Variants in GLIS1 observed in about 807,000 individuals in gnomAD.
GLIS1 encodes the protein zinc finger protein GLIS1.
GLIS1 carries 24 observed loss-of-function variants against 63.8 expected under a neutral mutation model. That is an observed-to-expected ratio of 0.38 (90% CI 0.27 to 0.53). The LOEUF is 0.53. GLIS1 is among the 20% of genes least tolerant of loss of function. The pLI is 0.85. For missense variants in GLIS1, 1,036 were observed against 1,074.1 expected, an observed-to-expected ratio of 0.96 and a Z score of 0.50; for synonymous variants, 450 against 482.5, an observed-to-expected ratio of 0.93 and a Z score of 0.88.
intron 2 of GLIS1, among the ~76,000 whole-genome samples, chr1:53,683,168 T>C (rs1488171548): frequency 7.0e-6 from 1 of 143,436 alleles, no homozygotes; most frequent in Non-Finnish European, 1.5e-5. Context: ...GTCCCACTTC[T>C]GGCAGACACA....
rs903547236 is a variant in GLIS1, at chr1:53,534,216, C to A, written c.1321-4264G>T. ...CATGGGGCTTGTGAGACCAGAAATG[C>A]AGCCATCTAGCACGTCCCTGGCTTC... is the stretch of plus-strand genomic sequence containing the variant. On this transcript the variant is annotated intron_variant, in intron 4 of 10. Transcript: ENST00000628545. Among the ~76,000 whole-genome samples, 21 of 151,956 alleles carry A rather than the reference C, an allele frequency of 1.4e-4. 1 individual carries two copies. The highest frequency in any genetic ancestry group is 5.1e-4 in the African/African-American group (21 of 41,272).
chr1:53,658,565 T>C (rs2100352558), intron 2 of GLIS1, among the ~76,000 whole-genome samples: 1 of 152,310 alleles, frequency 6.6e-6, no homozygotes, highest in East Asian at 1.9e-4. Flanking sequence ...GAAAGGCTAC[T>C]GGGGCCTGGA....
At position 53,612,531 on chromosome 1, in the gene GLIS1, C is replaced by T. The variant is rs147392578; in HGVS notation, c.260-12253G>A. Among the ~76,000 whole-genome samples, 1,315 of 152,228 alleles carry T rather than the reference C, an allele frequency of 8.6e-3. 8 individuals carry two copies. Among genetic ancestry groups the T allele is most frequent in the Middle Eastern group, 0.014 (4 of 294 alleles). On this transcript the variant is annotated intron_variant, in intron 2 of 10. Coordinates refer to ENST00000628545, the MANE Select transcript of GLIS1 (RefSeq NM_001367484.1). ...CTGGGACTACAGGTGTGAGCCACCG[C>T]GCCTGGCCTGTTAGGCTTACTTTTT...
chr1:53,532,917 T>C (rs944676412), intron 4 of GLIS1, among the ~76,000 whole-genome samples: 1 of 152,254 alleles, frequency 6.6e-6, no homozygotes, highest in African/African-American at 2.4e-5. Context: ...TCTCTGACCA[T>C]CTAATTCATA....
chr1:53,637,873 G>A (rs528193389), intron 2 of GLIS1, among the ~76,000 whole-genome samples: 2 of 152,322 alleles, frequency 1.3e-5, no homozygotes, highest in African/African-American at 2.4e-5. Context: ...GGAGAGAAGC[G>A]TGTTCCTGGA....
chr1:53,660,841 T>C (rs772193670), intron 2 of GLIS1, among the ~76,000 whole-genome samples: 6 of 151,784 alleles, frequency 4.0e-5, no homozygotes, highest in Non-Finnish European at 7.4e-5. Context: ...GAGCAGGGAG[T>C]CACTGCAAAT....
At chr1:53,634,893 C>T (rs1645706711) in intron 2 of GLIS1, among the ~76,000 whole-genome samples, 1 of 151,918 alleles carries the variant, frequency 6.6e-6, no homozygotes, top group Admixed American at 6.6e-5. Flanking sequence ...GCATTGGCTC[C>T]CCACCGCCTT....
At chr1:53,640,368 TA>T (rs34586485) in intron 2 of GLIS1, among the ~76,000 whole-genome samples, 14,801 of 152,192 alleles carry the variant, frequency 0.097, 922 homozygotes, top group South Asian at 0.24. Flanking sequence ...GGGAGGAATA[TA>T]AAAAGGCTGG....
intron 2 of GLIS1, among the ~76,000 whole-genome samples, chr1:53,608,457 C>T (rs1645393970): frequency 6.6e-6 from 1 of 152,182 alleles, no homozygotes; most frequent in Non-Finnish European, 1.5e-5. Flanking sequence ...CCCTCCTTTT[C>T]CCTCCCTAGT....
chr1:53,569,212 A>G (rs1354699056), intron 4 of GLIS1, among the ~76,000 whole-genome samples: 1 of 152,222 alleles, frequency 6.6e-6, no homozygotes, highest in Non-Finnish European at 1.5e-5. Flanking sequence ...GTGTGGTCCT[A>G]TAATGGTAGA....
chr1:53,737,097 GAGA>G (rs1646919848), intron 2 of GLIS1, among the ~76,000 whole-genome samples: 1 of 152,214 alleles, frequency 6.6e-6, no homozygotes, highest in African/African-American at 2.4e-5. Context: ...TAACTGTGAT[GAGA>G]AGAGCATGTT....
At chr1:53,573,081 T>C (rs1196722933) in intron 4 of GLIS1, among the ~76,000 whole-genome samples, 3 of 152,198 alleles carry the variant, frequency 2.0e-5, no homozygotes, top group South Asian at 2.1e-4. Flanking sequence ...GTCCATCTTC[T>C]TGAGGGCTGG....
At chr1:53,622,183 T>C (rs933086167) in intron 2 of GLIS1, among the ~76,000 whole-genome samples, 1 of 151,694 alleles carries the variant, frequency 6.6e-6, no homozygotes, top group African/African-American at 2.4e-5. Flanking sequence ...ATCCCAGCAC[T>C]TTGGGAGGCC....
At chr1:53,524,922 G>T in intron 5 of GLIS1, 35 bp from the exon 6 acceptor site, 1 of 1,496,588 alleles carries the variant, frequency 6.7e-7, no homozygotes, top group Middle Eastern at 1.7e-4. Context: ...GGTGAGTGAG[G>T]CCCATCCCTA....
At chr1:53,580,483 C>T (rs1378370927) in intron 4 of GLIS1, among the ~76,000 whole-genome samples, 3 of 152,160 alleles carry the variant, frequency 2.0e-5, no homozygotes, top group Admixed American at 6.5e-5. Context: ...CCAAATTACA[C>T]GTGACTGCTT....
chr1:53,571,738 G>A (rs1411148761), intron 4 of GLIS1, among the ~76,000 whole-genome samples: 3 of 152,040 alleles, frequency 2.0e-5, no homozygotes, highest in South Asian at 2.1e-4. Flanking sequence ...CACCATGCCC[G>A]GCTAATTTTT....
chr1:53,567,348 T>C (rs895205902), intron 4 of GLIS1, among the ~76,000 whole-genome samples: 5 of 152,228 alleles, frequency 3.3e-5, no homozygotes, highest in African/African-American at 1.2e-4. Context: ...TGGCTACTCC[T>C]AACAGCATAT....
At chr1:53,622,345 T>C (rs376793497) in intron 2 of GLIS1, among the ~76,000 whole-genome samples, 2 of 149,184 alleles carry the variant, frequency 1.3e-5, no homozygotes, top group South Asian at 4.3e-4. Flanking sequence ...GGAGAATCAT[T>C]TGAACCTGGG....
At position 53,639,716 on chromosome 1, in the gene GLIS1, C is replaced by T. The variant is rs762946434; in HGVS notation, c.260-39438G>A. ...GGTTTACTCAGTGAATATTTATAAA[C>T]CTCCAGGCTTGGGAAGCCAGTCTCA... On this transcript the variant is annotated intron_variant, in intron 2 of 10. Transcript: ENST00000628545. The surrounding 1 kb of genome is among the most constrained non-coding windows in gnomAD (Gnocchi z 4.6). 3.4e-4 allele frequency among the ~76,000 whole-genome samples: 51 copies of T among 152,082 alleles called. No homozygotes were observed. Among genetic ancestry groups the T allele is most frequent in the Non-Finnish European group, 5.6e-4 (38 of 68,030 alleles).
Sources: gnomAD v4.1 joint callset for allele counts (sites outside exome capture counted in the v4.1 genomes callset) on GRCh38, gnomAD v4.1.1 for gene constraint, Gnocchi (gnomAD v3.1) non-coding constraint, MANE v1.5 for transcripts, NCBI Gene and HGNC (gene_info 2026-07-23, HGNC 2026-07-21) for gene names.